Variants in CNOT4 observed in about 807,000 individuals in gnomAD.
The protein encoded by CNOT4 is CCR4-NOT transcription complex subunit 4, also known as CCR4-associated factor 4.
CNOT4 carries 8 observed loss-of-function variants against 73.8 expected under a neutral mutation model. The ratio of observed to expected loss-of-function variants is 0.11; its 90% confidence interval spans 0.06 to 0.20. The LOEUF is 0.20. CNOT4 is among the 10% of genes least tolerant of loss of function. The probability of loss-of-function intolerance (pLI) is 1.00; values close to 1 mark genes in which losing one functional copy is unlikely to be tolerated. For missense variants in CNOT4, 564 were observed against 883.4 expected (o/e 0.64, Z 4.58); for synonymous variants, 293 against 321.1 (o/e 0.91, Z 0.94).
chr7:135,504,950 A>G (rs1381298922), intron 1 of CNOT4, among the ~76,000 whole-genome samples: 2 of 152,098 alleles, frequency 1.3e-5, no homozygotes, highest in African/African-American at 4.8e-5. Context: ...TTTAAGGGAA[A>G]GCATTTTATT....
At chr7:135,470,465 C>G (rs1041239278) in intron 1 of CNOT4, among the ~76,000 whole-genome samples, 1 of 151,692 alleles carries the variant, frequency 6.6e-6, no homozygotes, top group Non-Finnish European at 1.5e-5. Flanking sequence ...ATAGCCAAAA[C>G]AGAAAGAACC....
At chr7:135,378,181 T>C (rs1008131650) in intron 10 of CNOT4, among the ~76,000 whole-genome samples, 3 of 152,160 alleles carry the variant, frequency 2.0e-5, no homozygotes, top group African/African-American at 7.2e-5. Context: ...CAGACAATGA[T>C]TTCTGTTTAA....
At chr7:135,495,549 A>G (rs1163373591) in intron 1 of CNOT4, among the ~76,000 whole-genome samples, 1 of 148,110 alleles carries the variant, frequency 6.8e-6, no homozygotes, top group Non-Finnish European at 1.5e-5. Flanking sequence ...GATGGCATGC[A>G]CCTACAGTGC....
At position 135,438,239 on chromosome 7, in the gene CNOT4, G is replaced by A. The variant is rs1341891069; in HGVS notation, c.93C>T (p.Cys31=). 1.2e-6 allele frequency: 2 copies of A among 1,612,800 alleles called. No homozygotes were observed. The highest frequency in any genetic ancestry group is 1.7e-5 in the Admixed American group (1 of 60,004). ...LEIDDINFFP[C]TCGYQICRFC... is the part of the protein sequence containing the mutation. ...ATCGGCAAATCTGGTAGCCACAGGT[G>A]CAAGGGAAAAAGTTGATATCATCTA... is the stretch of plus-strand genomic sequence containing the variant. Residue 31 remains cysteine, a synonymous_variant, in exon 2 of 12, where the codon TGC becomes TGT. Transcript: ENST00000541284.
intron 2 of CNOT4, among the ~76,000 whole-genome samples, chr7:135,428,116 A>C (rs1798607826): frequency 6.6e-6 from 1 of 152,214 alleles, no homozygotes. Context: ...CATCCTGGAG[A>C]AATTGTTGAA....
chr7:135,443,355 A>AC (rs200428232), intron 1 of CNOT4, among the ~76,000 whole-genome samples: 125 of 139,274 alleles, frequency 9.0e-4, no homozygotes, highest in Non-Finnish European at 1.5e-3. Flanking sequence ...ATCCTGTCAC[A>AC]AAAAAAAAAA....
chr7:135,376,494 T>C (rs2129482752), intron 10 of CNOT4, among the ~76,000 whole-genome samples: 1 of 152,330 alleles, frequency 6.6e-6, no homozygotes, highest in Middle Eastern at 3.4e-3. Context: ...AATATTTTTA[T>C]TGGGGCAGAA....
At chr7:135,394,559 T>C in intron 9 of CNOT4, 144 bp from the exon 10 acceptor site, 1 of 684,982 alleles carries the variant, frequency 1.5e-6, no homozygotes, top group East Asian at 2.6e-5. Context: ...CACATTAAGA[T>C]CATATAATTA....
At chr7:135,470,325 C>T (rs572100903) in intron 1 of CNOT4, among the ~76,000 whole-genome samples, 3 of 151,070 alleles carry the variant, frequency 2.0e-5, no homozygotes, top group Non-Finnish European at 3.0e-5. Context: ...AGAGATGAAG[C>T]GTCACTGTAT....
At chr7:135,486,123 C>T (rs557294423) in intron 1 of CNOT4, among the ~76,000 whole-genome samples, 3 of 151,896 alleles carry the variant, frequency 2.0e-5, no homozygotes, top group East Asian at 1.9e-4. Flanking sequence ...ACCACCTGTA[C>T]CCCAATAACT....
chr7:135,388,724 G>A lies in CNOT4; in HGVS notation c.1627+5194C>T, dbSNP rs1014892757. On this transcript the variant is annotated intron_variant, in intron 10 of 11. Coordinates refer to ENST00000541284, the MANE Select transcript of CNOT4 (RefSeq NM_001190850.2). The stretch of plus-strand genomic sequence containing the variant: ...TATACATTAAAAGCAAAATCATAAA[G>A]GAATCATGCAAAAATCCAGTTGCCC... The A allele has an allele frequency of 3.9e-6, 6 of 1,551,540 alleles. No homozygotes were observed. In the East Asian group the frequency reaches 1.4e-4, roughly 35 times the overall value.
intron 1 of CNOT4, among the ~76,000 whole-genome samples, chr7:135,453,987 T>TAC (rs1387398351): frequency 3.9e-3 from 527 of 133,994 alleles, no homozygotes; most frequent in South Asian, 0.013. Context: ...AAAATATATA[T>TAC]ACATATATAT....
chr7:135,364,104 A>G lies in CNOT4; in HGVS notation c.1628-38T>C. On this transcript the variant is annotated intron_variant, in intron 10 of 11. Transcript: ENST00000541284. The surrounding 1 kb of genome is among the most constrained non-coding windows in gnomAD (Gnocchi z 4.3). The stretch of plus-strand genomic sequence containing the variant: ...CCAACAAAAAAATGAAAGATAAAAA[A>G]AAATAAAAAGCTACGTTAGAAACAT... 9 of 1,454,926 alleles carry G rather than the reference A, an allele frequency of 6.2e-6. No homozygotes were observed. The highest frequency in any genetic ancestry group is 8.4e-6 in the Non-Finnish European group (9 of 1,065,698). The allele number at this position is 1,454,926 out of a possible 1,614,324, so 90.1% of individuals were successfully genotyped here. A position where few individuals can be genotyped will look rare whatever the true frequency, so the allele number is the denominator to read the frequency against.
intron 1 of CNOT4, among the ~76,000 whole-genome samples, chr7:135,505,325 C>T (rs1039308316): frequency 6.6e-6 from 1 of 152,038 alleles, no homozygotes; most frequent in East Asian, 1.9e-4. Flanking sequence ...GAGGCTAAGG[C>T]GGGCAGATCA....
At chr7:135,432,995 T>G (rs975237411) in intron 2 of CNOT4, among the ~76,000 whole-genome samples, 5 of 152,314 alleles carry the variant, frequency 3.3e-5, no homozygotes, top group Admixed American at 1.3e-4. Context: ...AAAAAGTTTG[T>G]GCTGGACACT....
At position 135,375,691 on chromosome 7, in the gene CNOT4, G is replaced by A. The variant is rs547869021; in HGVS notation, c.1628-11625C>T. Among the ~76,000 whole-genome samples the A allele has an allele frequency of 2.6e-3, 402 of 152,324 alleles. 3 individuals are homozygous for A. Among genetic ancestry groups the A allele is most frequent in the African/African-American group, 8.9e-3 (372 of 41,572 alleles). The stretch of plus-strand genomic sequence containing the variant: ...TGTAATCCCAGCACTTTGGGAGGCC[G>A]AGGCGGGAGGATCACGGGGTCAGGG... On this transcript the variant is annotated intron_variant, in intron 10 of 11. Coordinates refer to ENST00000541284, the MANE Select transcript of CNOT4 (RefSeq NM_001190850.2).
At position 135,414,325 on chromosome 7, in the gene CNOT4, T is replaced by C. The variant is rs758109408; in HGVS notation, c.561+6A>G. ...AAAAAAAAAAGAATCAAGAGGACTA[T>C]ATTACCTTAAGTGTTCTGCCATCTA... On this transcript the variant is annotated splice_donor_region_variant and intron_variant, in intron 5 of 11. Coordinates refer to ENST00000541284, the MANE Select transcript of CNOT4 (RefSeq NM_001190850.2). 56 of 1,050,522 alleles carry C rather than the reference T, an allele frequency of 5.3e-5. No homozygotes were observed. Among genetic ancestry groups the C allele is most frequent in the East Asian group, 1.4e-4 (6 of 41,972 alleles). 65.1% of individuals were successfully genotyped at this position (1,050,522 alleles called of 1,614,324 possible). A position where few individuals can be genotyped will look rare whatever the true frequency, so the allele number is the denominator to read the frequency against.
intron 1 of CNOT4, among the ~76,000 whole-genome samples, chr7:135,482,470 C>T (rs1468237622): frequency 1.3e-5 from 2 of 151,954 alleles, no homozygotes. Flanking sequence ...GTGAAAGGAT[C>T]GCTTGGACCT....
chr7:135,453,310 A>G (rs1313878582), intron 1 of CNOT4, among the ~76,000 whole-genome samples: 3 of 152,146 alleles, frequency 2.0e-5, no homozygotes, highest in African/African-American at 7.2e-5. Flanking sequence ...CATGTTTATT[A>G]GCCTGGTTAA....
Sources: allele counts gnomAD v4.1 joint callset (sites outside exome capture counted in the v4.1 genomes callset), GRCh38; gene constraint gnomAD v4.1.1; non-coding constraint Gnocchi (gnomAD v3.1); transcripts MANE v1.5; gene names NCBI Gene and HGNC (gene_info 2026-07-23, HGNC 2026-07-21).